FLT1: variants seen among roughly 807,000 people sequenced by gnomAD.
FLT1 encodes vascular endothelial growth factor receptor 1.
FLT1 carries 49 observed loss-of-function variants against 156.3 expected under a neutral mutation model. The observed-to-expected ratio is 0.31, with a 90% confidence interval of 0.25 to 0.40. The LOEUF (loss-of-function observed/expected upper bound fraction) is 0.40, where lower values mean the gene tolerates loss of function less well. Ranked by LOEUF, FLT1 falls within the 10% of genes least tolerant of loss-of-function variation. The pLI is 1.00. For missense variants in FLT1, 1,322 were observed against 1,637.2 expected (o/e 0.81, Z 3.32); for synonymous variants, 594 against 583.8 (o/e 1.02, Z -0.25).
chr13:28,384,873 A>G lies in FLT1; in HGVS notation c.2116+12T>C, dbSNP rs1874261640. ...TGAGAAATAATAAATGGAAGAAAAA[A>G]AAGTCTCTTACCAGGCTCTTGTTGT... On this transcript the variant is annotated intron_variant, in intron 14 of 29. Transcript: ENST00000282397. 6.2e-7 allele frequency: 1 copy of G among 1,613,630 alleles called. No homozygotes were observed. Among genetic ancestry groups the G allele is most frequent in the Non-Finnish European group, 8.5e-7 (1 of 1,179,572 alleles).
chr13:28,392,219 G>T (rs1459711782), intron 12 of FLT1, among the ~76,000 whole-genome samples: 4 of 152,208 alleles, frequency 2.6e-5, no homozygotes, highest in Non-Finnish European at 5.9e-5. Flanking sequence ...TTACGAAGCC[G>T]TCAGTGGCTG....
intron 3 of FLT1, among the ~76,000 whole-genome samples, chr13:28,462,521 A>G: frequency 6.6e-6 from 1 of 152,206 alleles, no homozygotes; most frequent in East Asian, 1.9e-4. Context: ...CGTAGCTATA[A>G]TTAGATTCAA....
intron 3 of FLT1, among the ~76,000 whole-genome samples, chr13:28,456,717 A>G (rs1400243229): frequency 2.0e-5 from 3 of 151,398 alleles, no homozygotes; most frequent in Non-Finnish European, 4.4e-5. Flanking sequence ...AATCGTTTGA[A>G]CCCTGGAGGC....
chr13:28,451,253 C>T (rs1165939049), intron 3 of FLT1, among the ~76,000 whole-genome samples: 4 of 152,066 alleles, frequency 2.6e-5, no homozygotes, highest in Non-Finnish European at 5.9e-5. Context: ...TGAAACCCCG[C>T]CTCTACTAAA....
In FLT1 at chr13:28,473,698, A is replaced by AAAG. The variant is rs1880323575; in HGVS notation, c.65-6082_65-6081insCTT. On this transcript the variant is annotated intron_variant, in intron 1 of 29. Transcript: ENST00000282397. ...GAGAGAGAGAGAGAGAGAGAGAAAGAAAAGAAAGAAAGAAAGAAAGAAAGA... is the reference window on the plus strand; with the variant it reads ...GAGAGAGAGAGAGAGAGAGAGAAAGAAAGAAAGAAAGAAAGAAAGAAAGAAAGA... Among the ~76,000 whole-genome samples the AAAG allele has an allele frequency of 1.1e-4, 11 of 102,098 alleles. 1 individual carries two copies. In the East Asian group the frequency reaches 1.8e-3, roughly 17 times the overall value. The allele number at this position is 102,098 out of a possible 152,430, so 67.0% of individuals were successfully genotyped here. A position where few individuals can be genotyped will look rare whatever the true frequency, so the allele number is the denominator to read the frequency against.
chr13:28,332,402 C>CCT (rs1414882523), intron 18 of FLT1, among the ~76,000 whole-genome samples: 1 of 152,068 alleles, frequency 6.6e-6, no homozygotes, highest in African/African-American at 2.4e-5. Context: ...ATCAGAGCTG[C>CCT]CTCTCCTAGA....
chr13:28,490,433 C>T (rs1881408018), intron 1 of FLT1, among the ~76,000 whole-genome samples: 3 of 152,208 alleles, frequency 2.0e-5, no homozygotes, highest in Non-Finnish European at 1.5e-5. Flanking sequence ...TAATGAACCC[C>T]CCTGCAGCCC....
At position 28,431,060 on chromosome 13, in the gene FLT1, G is replaced by C. The variant is rs1045790832; in HGVS notation, c.988+76C>G. 3.8e-6 allele frequency: 5 copies of C among 1,319,310 alleles called. No homozygotes were observed. In the Admixed American group the frequency reaches 6.7e-5, roughly 18 times the overall value. 81.7% of individuals were successfully genotyped at this position (1,319,310 alleles called of 1,614,324 possible). ...TGTAACTCTTGGCCAACAGAAAACT[G>C]ACTTATTTAGAGAACACAGACATCT... On this transcript the variant is annotated intron_variant, in intron 7 of 29. Transcript: ENST00000282397.
intron 3 of FLT1, among the ~76,000 whole-genome samples, chr13:28,460,706 T>C (rs1879524157): frequency 7.6e-6 from 1 of 131,704 alleles, no homozygotes; most frequent in Admixed American, 8.5e-5. Context: ...TGGCACTGCT[T>C]ACCTAAATAA....
intron 27 of FLT1, 110 bp downstream of exon 27, chr13:28,311,480 T>C: frequency 1.0e-6 from 1 of 955,994 alleles, no homozygotes; most frequent in South Asian, 1.6e-5. Flanking sequence ...CTCTCTTTCT[T>C]TCTTTCTCTC....
intron 15 of FLT1, among the ~76,000 whole-genome samples, chr13:28,354,210 G>GC (rs374230129): frequency 1.1e-4 from 16 of 152,276 alleles, no homozygotes; most frequent in African/African-American, 3.6e-4. Context: ...GTTGTGAACA[G>GC]CATCCTAGGA....
At chr13:28,314,847 A>G (rs750956361) in intron 25 of FLT1, among the ~76,000 whole-genome samples, 1 of 152,236 alleles carries the variant, frequency 6.6e-6, no homozygotes, top group Non-Finnish European at 1.5e-5. Context: ...AGAATTAAGG[A>G]ACCATACCAC....
chr13:28,438,447 G>A (rs41291688), intron 3 of FLT1, 102 bp from the exon 4 acceptor site: 16,906 of 866,328 alleles, frequency 0.02, 205 homozygotes, highest in Middle Eastern at 0.025. Flanking sequence ...CCACAGTCAC[G>A]TCATTCTCCC....
chr13:28,344,435 G>T (rs1872480902), intron 16 of FLT1, among the ~76,000 whole-genome samples: 1 of 152,212 alleles, frequency 6.6e-6, no homozygotes, highest in Non-Finnish European at 1.5e-5. Context: ...CAGAGTTGCA[G>T]TTTGACATTT....
intron 3 of FLT1, among the ~76,000 whole-genome samples, chr13:28,440,355 C>A (rs1398179248): frequency 6.6e-6 from 1 of 152,186 alleles, no homozygotes; most frequent in African/African-American, 2.4e-5. Context: ...TCTAGATGGG[C>A]ACAGCCAGGC....
At chr13:28,398,082 AT>A (rs1314242469) in intron 11 of FLT1, among the ~76,000 whole-genome samples, 1 of 152,208 alleles carries the variant, frequency 6.6e-6, no homozygotes, top group African/African-American at 2.4e-5. Flanking sequence ...ACATTCTTAA[AT>A]TTAACCCAAG....
At chr13:28,435,108 TG>T (rs1448307058) in intron 4 of FLT1, among the ~76,000 whole-genome samples, 2 of 152,214 alleles carry the variant, frequency 1.3e-5, no homozygotes, top group Admixed American at 6.5e-5. Context: ...CTGACGATCC[TG>T]CTGTGTCACA....
intron 11 of FLT1, among the ~76,000 whole-genome samples, chr13:28,399,662 G>T (rs1295864504): frequency 1.3e-5 from 2 of 152,204 alleles, no homozygotes; most frequent in Non-Finnish European, 2.9e-5. Context: ...GTGCCCCGAA[G>T]TGAAATGAAT....
chr13:28,446,995 C>T (rs1318961725), intron 3 of FLT1, among the ~76,000 whole-genome samples: 1 of 151,976 alleles, frequency 6.6e-6, no homozygotes, highest in Non-Finnish European at 1.5e-5. Context: ...TCTATGGCCA[C>T]TTGATTTTCA....
Sources: allele counts gnomAD v4.1 joint callset (sites outside exome capture counted in the v4.1 genomes callset), GRCh38; gene constraint gnomAD v4.1.1; transcripts MANE v1.5; gene names NCBI Gene and HGNC (gene_info 2026-07-23, HGNC 2026-07-21).